CCDC178: variants seen among roughly 807,000 people sequenced by gnomAD.
CCDC178 encodes the protein coiled-coil domain containing 178, also known as coiled-coil domain-containing protein 178.
A neutral mutation model predicts 117.4 loss-of-function variants in CCDC178; 126 were observed. That is an observed-to-expected ratio of 1.07 (90% CI 0.93 to 1.24). CCDC178 has a LOEUF of 1.24. CCDC178 is among the 50% of genes most tolerant of loss of function. The probability of loss-of-function intolerance (pLI) is 0.00; values close to 1 mark genes in which losing one functional copy is unlikely to be tolerated. For missense variants in CCDC178, 1,030 were observed against 986.9 expected (o/e 1.04, Z -0.59); for synonymous variants, 283 against 313.4 (o/e 0.90, Z 1.02).
chr18:33,159,935 T>G (rs1389045447), intron 20 of CCDC178, among the ~76,000 whole-genome samples: 1 of 152,114 alleles, frequency 6.6e-6, no homozygotes, highest in African/African-American at 2.4e-5. Context: ...CCCCTTGACT[T>G]AGTAACAATA....
chr18:32,966,548 T>A (rs1341710007), intron 22 of CCDC178, among the ~76,000 whole-genome samples: 1 of 151,886 alleles, frequency 6.6e-6, no homozygotes, highest in Non-Finnish European at 1.5e-5. Context: ...ATATAACTTT[T>A]TGATATATTT....
intron 5 of CCDC178, among the ~76,000 whole-genome samples, chr18:33,382,154 C>G (rs1050118547): frequency 3.3e-5 from 5 of 151,778 alleles, no homozygotes; most frequent in African/African-American, 1.2e-4. Flanking sequence ...TGAAAAATTC[C>G]CAGAGTAGTA....
At chr18:33,333,066 T>C in intron 10 of CCDC178, 108 bp downstream of exon 10, 1 of 572,194 alleles carries the variant, frequency 1.7e-6, no homozygotes, top group South Asian at 2.5e-5. Flanking sequence ...AGGTCAATTT[T>C]AAGAAAAAAA....
chr18:33,355,909 C>G lies in CCDC178; in HGVS notation c.371+415G>C, dbSNP rs899748461. 2.6e-5 allele frequency among the ~76,000 whole-genome samples: 4 copies of G among 152,170 alleles called. No homozygotes were observed. In the East Asian group the frequency reaches 7.7e-4, roughly 29 times the overall value. ...ACTAGGAATCTGCACCATAGGTGTA[C>G]ACTGCTCTCTTCATAGCTGCCACCA... On this transcript the variant is annotated intron_variant, in intron 7 of 22. Coordinates refer to ENST00000383096, the MANE Select transcript of CCDC178 (RefSeq NM_001105528.4).
At chr18:33,021,447 C>A (rs961154138) in intron 21 of CCDC178, among the ~76,000 whole-genome samples, 3 of 152,136 alleles carry the variant, frequency 2.0e-5, no homozygotes, top group Non-Finnish European at 4.4e-5. Flanking sequence ...CCTGTAATCT[C>A]AGCACTTTGG....
chr18:33,288,716 G>T (rs1287161578), intron 12 of CCDC178, among the ~76,000 whole-genome samples: 1 of 152,096 alleles, frequency 6.6e-6, no homozygotes, highest in Non-Finnish European at 1.5e-5. Flanking sequence ...AGAAAGTTAA[G>T]AGATGGTTTC....
At chr18:33,406,009 G>A (rs549685065) in intron 3 of CCDC178, among the ~76,000 whole-genome samples, 51 of 152,102 alleles carry the variant, frequency 3.4e-4, no homozygotes, top group African/African-American at 9.9e-4. Flanking sequence ...GAATGCAAAG[G>A]CAAGAAAAGC....
At chr18:32,974,443 TAA>T in intron 22 of CCDC178, 102 bp downstream of exon 22, 1 of 1,121,472 alleles carries the variant, frequency 8.9e-7, no homozygotes, top group Non-Finnish European at 1.3e-6. Context: ...TAAAAATTTA[TAA>T]AACTCTGATG....
intron 22 of CCDC178, among the ~76,000 whole-genome samples, chr18:32,972,127 T>G (rs2054939644): frequency 6.6e-6 from 1 of 152,162 alleles, no homozygotes; most frequent in African/African-American, 2.4e-5. Context: ...GCCTAGGTTT[T>G]CTCTAAGGGG....
At chr18:32,985,332 A>T (rs1283712556) in intron 21 of CCDC178, among the ~76,000 whole-genome samples, 1 of 152,012 alleles carries the variant, frequency 6.6e-6, no homozygotes, top group Admixed American at 6.6e-5. Flanking sequence ...AATGCGGGAC[A>T]GCCTAAGTGT....
chr18:33,390,415 A>G (rs979484313), intron 4 of CCDC178, among the ~76,000 whole-genome samples: 2 of 152,118 alleles, frequency 1.3e-5, no homozygotes, highest in Admixed American at 1.3e-4. Context: ...ATAACAGTGA[A>G]AACTGGAAAC....
intron 12 of CCDC178, among the ~76,000 whole-genome samples, chr18:33,287,935 G>A (rs1409542134): frequency 6.6e-6 from 1 of 152,036 alleles, no homozygotes; most frequent in Admixed American, 6.5e-5. Flanking sequence ...TTTTATTCAT[G>A]CTGACATTTT....
intron 20 of CCDC178, among the ~76,000 whole-genome samples, chr18:33,099,399 C>G (rs2057590848): frequency 6.6e-6 from 1 of 151,946 alleles, no homozygotes; most frequent in African/African-American, 2.4e-5. Context: ...GATAGTTTTG[C>G]ATACCGTGAG....
intron 9 of CCDC178, among the ~76,000 whole-genome samples, chr18:33,341,056 T>C (rs758142273): frequency 2.6e-5 from 4 of 152,118 alleles, no homozygotes; most frequent in Non-Finnish European, 4.4e-5. Context: ...AAAGCAGTCA[T>C]GAGGGAGGCT....
At chr18:33,224,670 C>G (rs1371614194) in intron 17 of CCDC178, 105 bp downstream of exon 17, 2 of 676,052 alleles carry the variant, frequency 3.0e-6, no homozygotes, top group Non-Finnish European at 4.5e-6. Context: ...TTAGTTTGCC[C>G]CTATGTGAAA....
chr18:33,405,971 T>C (rs181181367), intron 3 of CCDC178, among the ~76,000 whole-genome samples: 321 of 152,082 alleles, frequency 2.1e-3, no homozygotes, highest in Admixed American at 4.3e-3. Context: ...AATAAAACAA[T>C]ATTCCTTAAT....
intron 20 of CCDC178, among the ~76,000 whole-genome samples, chr18:33,094,412 G>A (rs1371618573): frequency 2.0e-5 from 3 of 151,910 alleles, no homozygotes; most frequent in Non-Finnish European, 4.4e-5. Flanking sequence ...ATCCTGAAGT[G>A]ATTAACTTGT....
intron 20 of CCDC178, 121 bp from the exon 21 acceptor site, chr18:33,093,031 A>T: frequency 3.8e-6 from 2 of 528,206 alleles, no homozygotes; most frequent in South Asian, 5.6e-5. Flanking sequence ...TATTATGTAT[A>T]GTAGAAAAAT....
At chr18:33,392,588 C>A (rs796861984) in intron 4 of CCDC178, among the ~76,000 whole-genome samples, 2 of 151,836 alleles carry the variant, frequency 1.3e-5, no homozygotes, top group African/African-American at 2.4e-5. Flanking sequence ...GATACTGACA[C>A]GAAAGAATCA....
Sources: gnomAD v4.1 joint callset for allele counts (sites outside exome capture counted in the v4.1 genomes callset) on GRCh38, gnomAD v4.1.1 for gene constraint, MANE v1.5 for transcripts, NCBI Gene and HGNC (gene_info 2026-07-23, HGNC 2026-07-21) for gene names.